Variants in TMEM132D observed in about 807,000 individuals in gnomAD.
The protein encoded by TMEM132D is transmembrane protein 132D.
TMEM132D carries 21 observed loss-of-function variants against 62.3 expected under a neutral mutation model. The observed-to-expected ratio is 0.34, with a 90% confidence interval of 0.24 to 0.49. The LOEUF is 0.49. Ranked by LOEUF, TMEM132D falls within the 20% of genes least tolerant of loss-of-function variation. The pLI, the probability that TMEM132D is intolerant of heterozygous loss-of-function variation, is 0.99. For synonymous variants in TMEM132D, 621 were observed against 575.6 expected (o/e 1.08, Z -1.13); for missense variants, 1,346 against 1,402.8 (o/e 0.96, Z 0.65).
intron 3 of TMEM132D, among the ~76,000 whole-genome samples, chr12:129,396,900 T>C (rs751684271): frequency 5.9e-5 from 9 of 152,224 alleles, no homozygotes; most frequent in Admixed American, 3.3e-4. Context: ...GCTATGTCTT[T>C]AGGTTTTTGT....
intron 1 of TMEM132D, among the ~76,000 whole-genome samples, chr12:129,900,536 TGCAAGG>T (rs899050271): frequency 5.3e-5 from 8 of 152,196 alleles, no homozygotes; most frequent in Admixed American, 2.6e-4. Context: ...TACCAGCATG[TGCAAGG>T]GAACATAACT....
intron 3 of TMEM132D, among the ~76,000 whole-genome samples, chr12:129,457,357 G>A (rs1301808322): frequency 3.4e-5 from 5 of 145,462 alleles, no homozygotes; most frequent in African/African-American, 5.1e-5. Context: ...ACCAAACACC[G>A]CATGTTCTCA....
chr12:129,122,405 C>T lies in TMEM132D; in HGVS notation c.1444-37703G>A, dbSNP rs115263237. 4.9e-3 allele frequency among the ~76,000 whole-genome samples: 752 copies of T among 152,304 alleles called. 2 individuals carry two copies. Among genetic ancestry groups the T allele is most frequent in the African/African-American group, 0.018 (730 of 41,566 alleles). ...AATGTCTTCAGAGTAACATTCAACG[C>T]TTACAACCTGGTACTACCATCAGTT... On this transcript the variant is annotated intron_variant, in intron 5 of 8. Coordinates refer to ENST00000422113, the MANE Select transcript of TMEM132D (RefSeq NM_133448.3).
rs147702783 is a variant in TMEM132D at position 129,739,335 on chromosome 12, C to A, written c.80-38637G>T. ...GGGAAAATTCCCACCGCCTGATGAA[C>A]TGATGAGCCTCTAGCCAAGGCAAGG... On this transcript the variant is annotated intron_variant, in intron 1 of 8. Coordinates refer to ENST00000422113, the MANE Select transcript of TMEM132D (RefSeq NM_133448.3). Among the ~76,000 whole-genome samples, 5 of 152,264 alleles carry A rather than the reference C, an allele frequency of 3.3e-5. No individual in the cohort carries two copies. The East Asian group carries it at 9.7e-4, about 29-fold the overall frequency.
At chr12:129,750,108 T>C (rs1869950113) in intron 1 of TMEM132D, among the ~76,000 whole-genome samples, 2 of 152,102 alleles carry the variant, frequency 1.3e-5, no homozygotes, top group Admixed American at 1.3e-4. Context: ...TATTTTGAGA[T>C]GGAGTCTCGC....
At chr12:129,608,654 C>T (rs973848035) in intron 2 of TMEM132D, among the ~76,000 whole-genome samples, 67 of 152,310 alleles carry the variant, frequency 4.4e-4, no homozygotes, top group African/African-American at 1.6e-3. Flanking sequence ...CGTAGAAAAG[C>T]AGGTAGCCTC....
chr12:129,266,496 T>C (rs1464115521), intron 4 of TMEM132D, among the ~76,000 whole-genome samples: 1 of 150,852 alleles, frequency 6.6e-6, no homozygotes, highest in East Asian at 2.0e-4. Context: ...TCCCCTCTTT[T>C]TTCCTTTCCC....
intron 2 of TMEM132D, among the ~76,000 whole-genome samples, chr12:129,670,266 C>A (rs1028985067): frequency 2.0e-5 from 3 of 152,196 alleles, no homozygotes; most frequent in Admixed American, 2.0e-4. Context: ...TTTCCCAAAG[C>A]AGACCTCCTT....
At chr12:129,422,279 G>A (rs1040955313) in intron 3 of TMEM132D, among the ~76,000 whole-genome samples, 3 of 151,924 alleles carry the variant, frequency 2.0e-5, no homozygotes, top group African/African-American at 7.3e-5. Flanking sequence ...ACAGAAAGAG[G>A]GGTATATTAT....
At chr12:129,569,101 G>T (rs1307562130) in intron 2 of TMEM132D, among the ~76,000 whole-genome samples, 1 of 152,132 alleles carries the variant, frequency 6.6e-6, no homozygotes, top group East Asian at 1.9e-4. Flanking sequence ...GAGATAACAT[G>T]GTTAGCTGCT....
At chr12:129,119,342 T>TA (rs1875990574) in intron 5 of TMEM132D, among the ~76,000 whole-genome samples, 1 of 152,204 alleles carries the variant, frequency 6.6e-6, no homozygotes, top group Non-Finnish European at 1.5e-5. Context: ...GCCACGGCAC[T>TA]ATTCATAATA....
intron 2 of TMEM132D, among the ~76,000 whole-genome samples, chr12:129,616,559 G>C (rs1214728834): frequency 6.6e-6 from 1 of 152,170 alleles, no homozygotes; most frequent in Non-Finnish European, 1.5e-5. Flanking sequence ...TGAATCATGA[G>C]GGTGGTTACC....
chr12:129,163,295 AT>A (rs1333250057), intron 5 of TMEM132D, among the ~76,000 whole-genome samples: 3 of 152,162 alleles, frequency 2.0e-5, no homozygotes, highest in Non-Finnish European at 4.4e-5. Context: ...AGCATTTTTC[AT>A]TTCTCCCTCC....
intron 5 of TMEM132D, among the ~76,000 whole-genome samples, chr12:129,193,857 A>G (rs1198314650): frequency 1.3e-5 from 2 of 152,208 alleles, no homozygotes; most frequent in African/African-American, 4.8e-5. Context: ...TGAGGACTAC[A>G]ATGTGTGCTA....
chr12:129,337,751 TGG>T lies in TMEM132D; in HGVS notation c.1180_1181del (p.Pro394SerfsTer18). ...DVEVEEPGDL[P>X]ATQLVTWQVE... ...CCTGCCACGTGACCAGCTGTGTGGC[TGG>T]CAGGTCACCAGGCTCTTCCACCTCC... On this transcript the variant is annotated frameshift_variant, in exon 4 of 9. Transcript: ENST00000422113. LOFTEE classifies it high-confidence loss of function. 6.2e-7 allele frequency: 1 copy of T among 1,614,186 alleles called. No homozygotes were observed. The highest frequency in any genetic ancestry group is 8.5e-7 in the Non-Finnish European group (1 of 1,180,022).
At position 129,343,191 on chromosome 12, in the gene TMEM132D, G is replaced by A. The variant is rs556832543; in HGVS notation, c.1116-5374C>T. On this transcript the variant is annotated intron_variant, in intron 3 of 8. Transcript: ENST00000422113. ...GGAACCAACAGAAATGTCCAACAATGATAGACTGGATTAAGAAAATGTGGC... is the reference window on the plus strand; with the variant it reads ...GGAACCAACAGAAATGTCCAACAATAATAGACTGGATTAAGAAAATGTGGC... 1.4e-4 allele frequency among the ~76,000 whole-genome samples: 21 copies of A among 152,294 alleles called. 2 individuals carry two copies. Among genetic ancestry groups the A allele is most frequent in the African/African-American group, 4.8e-4 (20 of 41,558 alleles).
chr12:129,243,968 A>T (rs573341168), intron 4 of TMEM132D, among the ~76,000 whole-genome samples: 2 of 151,884 alleles, frequency 1.3e-5, no homozygotes, highest in Non-Finnish European at 2.9e-5. Flanking sequence ...TTAGGTATAT[A>T]CCTAGAATCT....
chr12:129,335,057 G>T (rs1231698230), intron 4 of TMEM132D, among the ~76,000 whole-genome samples: 1 of 151,102 alleles, frequency 6.6e-6, no homozygotes, highest in Non-Finnish European at 1.5e-5. Flanking sequence ...TTTAAATTCA[G>T]TAGTTAAGTA....
chr12:129,713,170 G>C (rs1245096227), intron 1 of TMEM132D, among the ~76,000 whole-genome samples: 1 of 152,072 alleles, frequency 6.6e-6, no homozygotes, highest in Non-Finnish European at 1.5e-5. Flanking sequence ...CCCCTCCCCA[G>C]ACCCACTGAT....
Sources: allele counts gnomAD v4.1 joint callset (sites outside exome capture counted in the v4.1 genomes callset), GRCh38; gene constraint gnomAD v4.1.1; transcripts MANE v1.5; gene names NCBI Gene and HGNC (gene_info 2026-07-23, HGNC 2026-07-21).